Variants in REC114 observed in about 807,000 individuals in gnomAD.
The protein encoded by REC114 is meiotic recombination protein REC114.
Under a neutral mutation model 31.3 loss-of-function variants are expected in REC114, and 27 were observed. The ratio of observed to expected loss-of-function variants is 0.86; its 90% CI spans 0.64 to 1.19. The LOEUF is 1.19. Among genes scored for constraint, REC114 ranks in the 50% most tolerant of loss-of-function variants. The probability of loss-of-function intolerance (pLI) is 0.00; values close to 1 mark genes in which losing one functional copy is unlikely to be tolerated. For synonymous variants in REC114, 134 were observed against 127.7 expected (o/e 1.05, Z -0.33); for missense variants, 344 against 326.9 (o/e 1.05, Z -0.40).
chr15:73,516,945 T>G lies in REC114; in HGVS notation c.250-23540T>G, dbSNP rs536688855. 2.0e-3 allele frequency among the ~76,000 whole-genome samples: 309 copies of G among 152,332 alleles called. 2 individuals are homozygous for G. Among genetic ancestry groups the G allele is most frequent in the African/African-American group, 6.0e-3 (251 of 41,576 alleles). ...TCCAGCCATGTAAAGGATTTTTATA[T>G]GCTCCAAAGTTGGAGTATTTTGTAA... On this transcript the variant is annotated intron_variant, in intron 2 of 5. Transcript: ENST00000331090.
At chr15:73,459,528 G>A (rs535726058) in intron 1 of REC114, among the ~76,000 whole-genome samples, 3 of 152,168 alleles carry the variant, frequency 2.0e-5, no homozygotes, top group East Asian at 1.9e-4. Context: ...CACCGCGCCC[G>A]GCCCTAATTA....
At chr15:73,465,349 T>A (rs1183291954) in intron 1 of REC114, among the ~76,000 whole-genome samples, 1 of 152,238 alleles carries the variant, frequency 6.6e-6, no homozygotes, top group Non-Finnish European at 1.5e-5. Context: ...GCACATTATG[T>A]AGACCTTTTG....
chr15:73,538,800 C>CT (rs773602679), intron 2 of REC114, among the ~76,000 whole-genome samples: 23 of 151,964 alleles, frequency 1.5e-4, no homozygotes, highest in Admixed American at 1.4e-3. Context: ...ACATTTACTA[C>CT]TTTTTACACC....
At chr15:73,545,714 T>C (rs1894300145) in intron 3 of REC114, among the ~76,000 whole-genome samples, 1 of 152,200 alleles carries the variant, frequency 6.6e-6, no homozygotes, top group Admixed American at 6.5e-5. Flanking sequence ...CATTCACATA[T>C]AGATACCTGT....
chr15:73,499,518 C>T (rs1385596264), intron 2 of REC114, among the ~76,000 whole-genome samples: 3 of 152,076 alleles, frequency 2.0e-5, no homozygotes, highest in Admixed American at 6.6e-5. Context: ...TTACCGTTAC[C>T]TCAGTTTAGT....
intron 4 of REC114, among the ~76,000 whole-genome samples, chr15:73,553,649 T>C (rs17765936): frequency 0.018 from 2,679 of 152,290 alleles, 18 homozygotes; most frequent in East Asian, 0.027. Flanking sequence ...TAAATTGAAG[T>C]TGTAACATGC....
intron 2 of REC114, among the ~76,000 whole-genome samples, chr15:73,530,434 G>A (rs1894061793): frequency 6.6e-6 from 1 of 152,152 alleles, no homozygotes; most frequent in African/African-American, 2.4e-5. Context: ...GGCCCAGGCT[G>A]GAAGATTGCT....
intron 2 of REC114, among the ~76,000 whole-genome samples, chr15:73,493,244 C>A (rs891826771): frequency 6.6e-6 from 1 of 152,026 alleles, no homozygotes. Context: ...GCTGCTTATT[C>A]TTTTATTTCT....
chr15:73,551,223 T>G, intron 4 of REC114, 73 bp downstream of exon 4: 2 of 1,387,866 alleles, frequency 1.4e-6, no homozygotes, highest in Non-Finnish European at 2.0e-6. Context: ...AAAATGACAG[T>G]GGAGTTTGTC....
intron 2 of REC114, among the ~76,000 whole-genome samples, chr15:73,481,276 C>T (rs1893290069): frequency 6.6e-6 from 1 of 151,886 alleles, no homozygotes; most frequent in South Asian, 2.1e-4. Context: ...CTTTGATTGC[C>T]ACTCCCTGTG....
chr15:73,527,109 G>A (rs1383981546), intron 2 of REC114, among the ~76,000 whole-genome samples: 1 of 151,938 alleles, frequency 6.6e-6, no homozygotes, highest in African/African-American at 2.4e-5. Flanking sequence ...ACCACATCTG[G>A]CCCTCATGTA....
intron 2 of REC114, among the ~76,000 whole-genome samples, chr15:73,508,857 G>A (rs1367564269): frequency 6.6e-5 from 10 of 151,578 alleles, no homozygotes; most frequent in Non-Finnish European, 1.0e-4. Context: ...TTGGACATTT[G>A]GGTTGGTTCC....
At chr15:73,545,771 G>A (rs1410764994) in intron 3 of REC114, among the ~76,000 whole-genome samples, 1 of 152,110 alleles carries the variant, frequency 6.6e-6, no homozygotes, top group African/African-American at 2.4e-5. Flanking sequence ...TGTATGCTTA[G>A]TGTCTGCTTG....
chr15:73,476,480 A>C (rs1358954879), intron 2 of REC114, among the ~76,000 whole-genome samples: 2 of 152,194 alleles, frequency 1.3e-5, no homozygotes, highest in African/African-American at 4.8e-5. Flanking sequence ...TTGTTTATAT[A>C]TATCTTTAAT....
intron 2 of REC114, among the ~76,000 whole-genome samples, chr15:73,475,698 T>C (rs1250552114): frequency 1.3e-5 from 2 of 152,180 alleles, no homozygotes; most frequent in African/African-American, 4.8e-5. Context: ...TTAAAATAAA[T>C]TTATTTATAA....
intron 4 of REC114, 105 bp downstream of exon 4, chr15:73,551,255 T>A: frequency 8.9e-7 from 1 of 1,126,340 alleles, no homozygotes; most frequent in Non-Finnish European, 1.3e-6. Flanking sequence ...GTTTGTAGTT[T>A]AAAAAACATC....
At chr15:73,463,374 T>C (rs2151255078) in intron 1 of REC114, among the ~76,000 whole-genome samples, 1 of 152,350 alleles carries the variant, frequency 6.6e-6, no homozygotes, top group South Asian at 2.1e-4. Flanking sequence ...CTTTGTCAAA[T>C]TCAGGTTGGA....
At chr15:73,474,961 T>C (rs1168371516) in intron 2 of REC114, among the ~76,000 whole-genome samples, 1 of 152,214 alleles carries the variant, frequency 6.6e-6, no homozygotes, top group African/African-American at 2.4e-5. Flanking sequence ...GCATGCGTTG[T>C]ACTATTTTGC....
intron 2 of REC114, among the ~76,000 whole-genome samples, chr15:73,478,263 C>CA (rs57210193): frequency 0.12 from 4,807 of 39,264 alleles, 460 homozygotes; most frequent in Middle Eastern, 0.27. Context: ...GACTCTGTCT[C>CA]AAAAAAAAAA....
Sources: gnomAD v4.1 joint callset for allele counts (sites outside exome capture counted in the v4.1 genomes callset) on GRCh38, gnomAD v4.1.1 for gene constraint, MANE v1.5 for transcripts, NCBI Gene and HGNC (gene_info 2026-07-23, HGNC 2026-07-21) for gene names.